WDR7: variants seen among roughly 807,000 people sequenced by gnomAD.
WDR7 encodes the protein WD repeat domain 7.
A neutral mutation model predicts 169.4 loss-of-function variants in WDR7; 46 were observed. That is an observed-to-expected ratio of 0.27 (90% CI 0.21 to 0.35). The LOEUF (loss-of-function observed/expected upper bound fraction) is 0.35. Among genes scored for constraint, WDR7 ranks in the 10% least tolerant of loss-of-function variants. The pLI is 1.00. For synonymous variants in WDR7, 612 were observed against 666.8 expected, an observed-to-expected ratio of 0.92 and a Z score of 1.27; for missense variants, 1,534 against 1,859.3, an observed-to-expected ratio of 0.83 and a Z score of 3.22.
intron 20 of WDR7, among the ~76,000 whole-genome samples, chr18:56,832,747 G>A (rs764334006): frequency 3.3e-5 from 5 of 152,034 alleles, no homozygotes; most frequent in Non-Finnish European, 7.4e-5. Flanking sequence ...ACAGAAGAGG[G>A]GCCTGTTAAA....
intron 14 of WDR7, among the ~76,000 whole-genome samples, chr18:56,738,694 C>A (rs1186880039): frequency 3.3e-5 from 5 of 151,476 alleles, no homozygotes; most frequent in Non-Finnish European, 4.4e-5. Context: ...CACTTATAAG[C>A]TAAGAATAGC....
In WDR7 at chr18:56,672,519, G is replaced by C. The variant is rs765044973; in HGVS notation, c.4G>C (p.Ala2Pro). 6.4e-7 allele frequency: 1 copy of C among 1,551,522 alleles called. No homozygotes were observed. Among genetic ancestry groups the C allele is most frequent in the Admixed American group, 1.9e-5 (1 of 51,956 alleles). Reference protein sequence around the residue: MAGNSLVLPIVL... With the variant: MPGNSLVLPIVL... Reference sequence around the variant, plus strand: ...CAGGTTTGAAAACACAAACACAATGGCAGGAAACAGCCTTGTTCTACCCAT... The same window carrying C: ...CAGGTTTGAAAACACAAACACAATGCCAGGAAACAGCCTTGTTCTACCCAT... The change falls in exon 2 of 28, where the codon GCA becomes CCA. Residue 2 changes from alanine (A) to proline (P), a missense_variant. By Grantham distance (27) the Ala-to-Pro change is conservative (BLOSUM62 -1). Coordinates refer to ENST00000254442, the MANE Select transcript of WDR7 (RefSeq NM_015285.3).
intron 26 of WDR7, among the ~76,000 whole-genome samples, chr18:57,005,477 G>T (rs1433981415): frequency 6.6e-6 from 1 of 152,002 alleles, no homozygotes; most frequent in African/African-American, 2.4e-5. Flanking sequence ...GTTTATACCA[G>T]GAAAATCTGA....
chr18:56,710,433 G>A (rs371330581), intron 12 of WDR7, among the ~76,000 whole-genome samples: 46 of 152,030 alleles, frequency 3.0e-4, no homozygotes, highest in African/African-American at 1.0e-3. Context: ...AATATTTTCC[G>A]ACTTATTTTG....
chr18:56,810,829 T>G (rs1166126992), intron 19 of WDR7, among the ~76,000 whole-genome samples: 3 of 152,138 alleles, frequency 2.0e-5, no homozygotes, highest in African/African-American at 2.4e-5. Context: ...AAGTGTACAA[T>G]TCAGTGGTTT....
At chr18:56,795,416 A>T (rs1024235779) in intron 19 of WDR7, among the ~76,000 whole-genome samples, 1 of 152,182 alleles carries the variant, frequency 6.6e-6, no homozygotes, top group Non-Finnish European at 1.5e-5. Context: ...TTTTTGGTAG[A>T]TGCATGCACA....
intron 12 of WDR7, among the ~76,000 whole-genome samples, chr18:56,698,992 T>G (rs1182475073): frequency 1.3e-5 from 2 of 152,136 alleles, no homozygotes; most frequent in African/African-American, 4.8e-5. Flanking sequence ...TTTACCTGTA[T>G]AACAAACCTG....
At chr18:56,895,483 TA>T (rs1176838862) in intron 21 of WDR7, among the ~76,000 whole-genome samples, 12 of 70,812 alleles carry the variant, frequency 1.7e-4, no homozygotes, top group Non-Finnish European at 3.3e-4. Flanking sequence ...TGGATTTTTT[TA>T]AAAATTTTTT....
At chr18:56,758,326 T>A (rs1180386258) in intron 15 of WDR7, among the ~76,000 whole-genome samples, 1 of 152,212 alleles carries the variant, frequency 6.6e-6, no homozygotes, top group African/African-American at 2.4e-5. Flanking sequence ...CTATGAGGTA[T>A]GTACTTTTAT....
chr18:56,911,631 A>G (rs1276943258), intron 21 of WDR7, among the ~76,000 whole-genome samples: 2 of 152,192 alleles, frequency 1.3e-5, no homozygotes, highest in African/African-American at 4.8e-5. Context: ...GTATGCGTAA[A>G]GGGTTAACAC....
intron 14 of WDR7, among the ~76,000 whole-genome samples, chr18:56,734,613 C>T (rs1426171561): frequency 1.3e-5 from 2 of 151,038 alleles, no homozygotes; most frequent in Non-Finnish European, 3.0e-5. Flanking sequence ...GTTTTTTAAT[C>T]TCACTCTTCC....
chr18:56,656,807 C>G (rs757359703), intron 1 of WDR7, among the ~76,000 whole-genome samples: 21 of 152,126 alleles, frequency 1.4e-4, no homozygotes, highest in Non-Finnish European at 2.6e-4. Flanking sequence ...CTTTGACTTA[C>G]AGATTTATTT....
At chr18:56,713,849 C>G (rs1043587204) in intron 12 of WDR7, among the ~76,000 whole-genome samples, 4 of 152,086 alleles carry the variant, frequency 2.6e-5, no homozygotes, top group African/African-American at 9.7e-5. Flanking sequence ...ATAAAGTATT[C>G]TTTAAGAAGT....
At chr18:56,846,341 A>G (rs1446036674) in intron 20 of WDR7, among the ~76,000 whole-genome samples, 3 of 152,216 alleles carry the variant, frequency 2.0e-5, no homozygotes, top group Non-Finnish European at 4.4e-5. Context: ...TAATGTGGGA[A>G]GGACCCAGGG....
Position 56,880,061 on chromosome 18 carries a change from T to C in WDR7, c.3422T>C (p.Ile1141Thr). The change falls in exon 21 of 28, where the codon ATT becomes ACT. Residue 1141 changes from isoleucine to threonine, a missense_variant. Physicochemically the swap from Ile to Thr is moderately conservative, Grantham distance 89 (BLOSUM62 -1). Coordinates refer to ENST00000254442, the MANE Select transcript of WDR7 (RefSeq NM_015285.3). ...GVIGAEFGAE[I>T]EPPKLLTRPR... ...ATAGGAGCTGAATTTGGTGCTGAAA[T>C]TGAACCTCCTAAACTATTGACCAGA... The C allele has an allele frequency of 1.2e-6, 2 of 1,614,116 alleles. No individual in the cohort carries two copies. The highest frequency in any genetic ancestry group is 1.7e-6 in the Non-Finnish European group (2 of 1,179,984).
intron 20 of WDR7, among the ~76,000 whole-genome samples, chr18:56,846,016 C>T (rs1386198323): frequency 1.3e-5 from 2 of 152,106 alleles, no homozygotes; most frequent in Admixed American, 6.5e-5. Context: ...TGTTCTCTTC[C>T]CACGTTCTTT....
intron 19 of WDR7, among the ~76,000 whole-genome samples, chr18:56,810,469 A>C (rs1170275122): frequency 1.3e-5 from 2 of 152,144 alleles, no homozygotes; most frequent in East Asian, 3.8e-4. Context: ...CAAGTCAATC[A>C]CTTCTTATTG....
At chr18:56,926,331 T>G (rs1453990506) in intron 22 of WDR7, among the ~76,000 whole-genome samples, 1 of 152,184 alleles carries the variant, frequency 6.6e-6, no homozygotes, top group East Asian at 1.9e-4. Context: ...TTGGCTTCTG[T>G]TATTGCAGCT....
chr18:56,729,484 A>G (rs1365521004), intron 13 of WDR7, among the ~76,000 whole-genome samples: 2 of 152,030 alleles, frequency 1.3e-5, no homozygotes, highest in Non-Finnish European at 2.9e-5. Flanking sequence ...TTATACTATG[A>G]ATACTCTTCT....
Sources: gnomAD v4.1 joint callset for allele counts (sites outside exome capture counted in the v4.1 genomes callset) on GRCh38, gnomAD v4.1.1 for gene constraint, MANE v1.5 for transcripts, NCBI Gene and HGNC (gene_info 2026-07-23, HGNC 2026-07-21) for gene names.